The following ERC1 variants were observed in gnomAD, a reference collection of about 807,000 sequenced individuals.
The protein encoded by ERC1 is RAB6 interacting protein 2.
A neutral mutation model predicts 132.0 loss-of-function variants in ERC1; 56 were observed. The ratio of observed to expected loss-of-function variants is 0.42; its 90% confidence interval spans 0.34 to 0.53. The LOEUF (loss-of-function observed/expected upper bound fraction) is 0.53. Ranked by LOEUF, ERC1 falls within the 20% of genes least tolerant of loss-of-function variation. The pLI, the probability that ERC1 is intolerant of heterozygous loss-of-function variation, is 0.03. For missense variants in ERC1, 1,202 were observed against 1,349.9 expected (o/e 0.89, Z 1.72); for synonymous variants, 478 against 476.1 (o/e 1.00, Z -0.05).
chr12:1,412,759 A>G (rs2091916380), intron 17 of ERC1, among the ~76,000 whole-genome samples: 1 of 152,194 alleles, frequency 6.6e-6, no homozygotes, highest in Admixed American at 6.5e-5. Context: ...ACTTCCTAGG[A>G]TTATTGGATA....
intron 2 of ERC1, among the ~76,000 whole-genome samples, chr12:1,034,316 A>C (rs1280823609): frequency 2.0e-5 from 3 of 152,120 alleles, no homozygotes; most frequent in Non-Finnish European, 4.4e-5. Flanking sequence ...TAATATATGC[A>C]TGTAGTCTTA....
intron 13 of ERC1, among the ~76,000 whole-genome samples, chr12:1,238,837 C>A (rs188055747): frequency 6.6e-6 from 1 of 151,924 alleles, no homozygotes; most frequent in Non-Finnish European, 1.5e-5. Flanking sequence ...TTTATATAAA[C>A]TAAAAGATAA....
intron 15 of ERC1, among the ~76,000 whole-genome samples, chr12:1,305,604 C>G (rs1566542669): frequency 6.6e-6 from 1 of 152,076 alleles, no homozygotes; most frequent in African/African-American, 2.4e-5. Flanking sequence ...AGCTCAATAC[C>G]TAATTATTAT....
At chr12:1,145,879 A>C (rs1476878064) in intron 8 of ERC1, among the ~76,000 whole-genome samples, 1 of 152,150 alleles carries the variant, frequency 6.6e-6, no homozygotes, top group Non-Finnish European at 1.5e-5. Context: ...ATCAGTTGGC[A>C]GTAAGTGTCT....
chr12:1,442,279 G>A (rs760377507), intron 17 of ERC1, among the ~76,000 whole-genome samples: 25 of 152,130 alleles, frequency 1.6e-4, no homozygotes, highest in Non-Finnish European at 3.4e-4. Flanking sequence ...TGAAAAGTTG[G>A]TATTGTTTGC....
rs149578984 is a variant in ERC1 at position 1,236,872 on chromosome 12, G to T, written c.2455G>T (p.Asp819Tyr). Residue 819 changes from aspartate to tyrosine, a missense_variant, in exon 13 of 19, where the codon GAC (aspartate) becomes TAC (tyrosine). By Grantham distance (160) the Asp-to-Tyr change is radical. Coordinates refer to ENST00000360905, the MANE Select transcript of ERC1 (RefSeq NM_178040.4). ...GTTAGAGGAGGCGCGACGACGGGAG[G>T]ACAATCTCAACGACAGCTCTCAGCA... ...QMLEEARRRE[D>Y]NLNDSSQQLQ... is the part of the protein sequence containing the mutation. 1.9e-6 allele frequency: 3 copies of T among 1,614,124 alleles called. No individual in the cohort carries two copies. Among genetic ancestry groups the T allele is most frequent in the Non-Finnish European group, 2.5e-6 (3 of 1,179,980 alleles).
chr12:1,383,887 A>G (rs904155947), intron 16 of ERC1, among the ~76,000 whole-genome samples: 4 of 152,310 alleles, frequency 2.6e-5, no homozygotes, highest in Middle Eastern at 6.8e-3. Flanking sequence ...TCATTTAATC[A>G]TCACTACAGC....
chr12:1,116,389 A>G lies in ERC1; in HGVS notation c.1569+356A>G, dbSNP rs4131840. 9.3e-3 allele frequency among the ~76,000 whole-genome samples: 1,421 copies of G among 152,286 alleles called. 20 individuals carry two copies. Among genetic ancestry groups the G allele is most frequent in the African/African-American group, 0.031 (1,287 of 41,558 alleles). ...GTGAATTTTCTAGTCATGAATGACA[A>G]TGAGCTTGGTTACACTGTGTTTGGA... On this transcript the variant is annotated intron_variant, in intron 7 of 18. Transcript: ENST00000360905.
chr12:1,400,088 TCTC>T (rs2090893413), intron 16 of ERC1, among the ~76,000 whole-genome samples: 1 of 152,250 alleles, frequency 6.6e-6, no homozygotes, highest in African/African-American at 2.4e-5. Flanking sequence ...TGATGTGGTA[TCTC>T]ATTATGGGGT....
At chr12:1,021,349 T>C (rs1592741262) in intron 1 of ERC1, among the ~76,000 whole-genome samples, 1 of 152,182 alleles carries the variant, frequency 6.6e-6, no homozygotes, top group East Asian at 1.9e-4. Context: ...AGCGGGCCAC[T>C]TTGCGGGAGG....
chr12:1,489,190 G>C (rs2094289213), intron 18 of ERC1, among the ~76,000 whole-genome samples: 1 of 152,028 alleles, frequency 6.6e-6, no homozygotes, highest in African/African-American at 2.4e-5. Flanking sequence ...GCAAGATCTG[G>C]GCCAGGCCTG....
At chr12:1,269,856 C>G (rs978122355) in intron 14 of ERC1, among the ~76,000 whole-genome samples, 1 of 152,190 alleles carries the variant, frequency 6.6e-6, no homozygotes, top group African/African-American at 2.4e-5. Context: ...CCTCACTTGA[C>G]AACTCTCCTG....
intron 3 of ERC1, among the ~76,000 whole-genome samples, chr12:1,101,509 C>T (rs1048060564): frequency 4.6e-5 from 7 of 152,108 alleles, no homozygotes; most frequent in African/African-American, 1.7e-4. Context: ...ATTCATGTCC[C>T]GGCTTCTTCA....
intron 16 of ERC1, among the ~76,000 whole-genome samples, chr12:1,381,385 T>G (rs890122996): frequency 1.3e-5 from 2 of 152,164 alleles, no homozygotes; most frequent in Non-Finnish European, 2.9e-5. Flanking sequence ...AGAGACTCAC[T>G]CTGGTGCCCA....
intron 18 of ERC1, among the ~76,000 whole-genome samples, chr12:1,459,305 TCA>T (rs2093601613): frequency 6.6e-6 from 1 of 152,194 alleles, no homozygotes. Flanking sequence ...TCTCTGAACC[TCA>T]TGGCTATATA....
At chr12:1,368,761 G>A (rs2086895594) in intron 15 of ERC1, among the ~76,000 whole-genome samples, 1 of 151,992 alleles carries the variant, frequency 6.6e-6, no homozygotes, top group African/African-American at 2.4e-5. Flanking sequence ...TACTGTCTTT[G>A]TCCCTTTTGG....
chr12:1,373,795 A>G (rs2087538842), intron 16 of ERC1, among the ~76,000 whole-genome samples: 1 of 70,042 alleles, frequency 1.4e-5, no homozygotes, highest in Non-Finnish European at 3.2e-5. Context: ...AAAAGAAGAA[A>G]AGAAAGAAAA....
At chr12:1,284,810 A>G (rs926446381) in intron 14 of ERC1, among the ~76,000 whole-genome samples, 26 of 152,068 alleles carry the variant, frequency 1.7e-4, no homozygotes, top group Non-Finnish European at 2.9e-5. Context: ...GGTGTGCACT[A>G]TCGTGCCTGG....
intron 2 of ERC1, among the ~76,000 whole-genome samples, chr12:1,062,079 C>T (rs1938095972): frequency 6.7e-6 from 1 of 149,666 alleles, no homozygotes; most frequent in Non-Finnish European, 1.5e-5. Context: ...CAAGCTCTGC[C>T]TCCCGGGTTC....
Sources: allele counts gnomAD v4.1 joint callset (sites outside exome capture counted in the v4.1 genomes callset), GRCh38; gene constraint gnomAD v4.1.1; transcripts MANE v1.5; gene names NCBI Gene and HGNC (gene_info 2026-07-23, HGNC 2026-07-21).